AAAS: variants seen among roughly 807,000 people sequenced by gnomAD.
AAAS encodes aladin.
A neutral mutation model predicts 75.6 loss-of-function variants in AAAS; 60 were observed. That is an observed-to-expected ratio of 0.79 (90% CI 0.64 to 0.98). AAAS has a LOEUF of 0.98. Ranked by LOEUF, AAAS falls within the 50% of genes least tolerant of loss-of-function variation. The probability of loss-of-function intolerance (pLI) is 0.00; values close to 1 mark genes in which losing one functional copy is unlikely to be tolerated. For missense variants in AAAS, 658 were observed against 686.9 expected, an observed-to-expected ratio of 0.96 and a Z score of 0.47; for synonymous variants, 271 against 265.0, an observed-to-expected ratio of 1.02 and a Z score of -0.22.
chr12:53,308,517 C>G lies in AAAS; in HGVS notation c.1099G>C (p.Gly367Arg). 1 of 1,614,166 alleles carries G rather than the reference C, an allele frequency of 6.2e-7. No individual in the cohort carries two copies. Among genetic ancestry groups the G allele is most frequent in the Non-Finnish European group, 8.5e-7 (1 of 1,180,028 alleles). ...SFPERCGEGK[G>R]CVGGAKSATI... ...GCTGACTTTGCACCTCCAACGCACC[C>G]CTTTCCCTCACCTGTGGACAAATAA... Residue 367 changes from glycine (G) to arginine (R), a missense_variant, in exon 12 of 16, where the codon GGG becomes CGG. Transcript: ENST00000209873.
chr12:53,317,249 C>T lies in AAAS; in HGVS notation c.252-1467G>A, dbSNP rs530393241. ...ACCAGCCTGGTCAAGATGGTGAAAC[C>T]TCATCTCTATTAAAAATACAAAAAT... On this transcript the variant is annotated intron_variant, in intron 2 of 15. Coordinates refer to ENST00000209873, the MANE Select transcript of AAAS (RefSeq NM_015665.6). 2.6e-5 allele frequency among the ~76,000 whole-genome samples: 4 copies of T among 151,590 alleles called. No individual in the cohort carries two copies. The South Asian group carries it at 8.4e-4, about 32-fold the overall frequency.
chr12:53,307,935 A>C lies in AAAS; in HGVS notation c.1332-6T>G. The C allele has an allele frequency of 1.2e-6, 2 of 1,614,186 alleles. No homozygotes were observed. Among genetic ancestry groups the C allele is most frequent in the Non-Finnish European group, 1.7e-6 (2 of 1,180,012 alleles). On this transcript the variant is annotated splice_region_variant and splice_polypyrimidine_tract_variant and intron_variant, in intron 14 of 15. Transcript: ENST00000209873. The stretch of plus-strand genomic sequence containing the variant: ...GCTCCCCCTGGATAATGCCACTAGA[A>C]GAAAAGGTGAGCAGGCAACCGGAGG...
chr12:53,308,153 G>A lies in AAAS; in HGVS notation c.1250-20C>T. On this transcript the variant is annotated intron_variant, in intron 13 of 15. Coordinates refer to ENST00000209873, the MANE Select transcript of AAAS (RefSeq NM_015665.6). ...GCTTTCCTGTAAGAAATGGATCCAG[G>A]GATAGGGGAGGAACTCTGAAGGCAG... 6 of 1,613,762 alleles carry A rather than the reference G, an allele frequency of 3.7e-6. No individual in the cohort carries two copies. The highest frequency in any genetic ancestry group is 1.3e-5 in the African/African-American group (1 of 75,056).
chr12:53,318,876 C>T (rs1446541036), intron 2 of AAAS, among the ~76,000 whole-genome samples: 2 of 152,104 alleles, frequency 1.3e-5, no homozygotes, highest in Non-Finnish European at 2.9e-5. Flanking sequence ...CACCAAAAAC[C>T]CTGAGAAGCA....
intron 10 of AAAS, 58 bp from the exon 11 acceptor site, chr12:53,308,873 A>G: frequency 6.2e-7 from 1 of 1,613,356 alleles, no homozygotes; most frequent in Non-Finnish European, 8.5e-7. Flanking sequence ...TGCAGGAGGG[A>G]AAGTAGAGGT....
rs1013024953 is a variant in AAAS at position 53,321,284 on chromosome 12, C to T, written c.123+59G>A. 14 of 1,595,378 alleles carry T rather than the reference C, an allele frequency of 8.8e-6. No homozygotes were observed. The Admixed American group carries it at 1.7e-4, about 19-fold the overall frequency. On this transcript the variant is annotated intron_variant, in intron 1 of 15. Transcript: ENST00000209873. ...CCCCTGTCACACTGCCTCCTTTCCC[C>T]AGTAGTCCCCGACTCCGCCCCCATG...
At chr12:53,312,214 T>C (rs1944400116) in intron 7 of AAAS, among the ~76,000 whole-genome samples, 1 of 147,640 alleles carries the variant, frequency 6.8e-6, no homozygotes, top group East Asian at 2.0e-4. Flanking sequence ...TGGAACTCCA[T>C]CTCAAAAAAA....
chr12:53,314,864 A>C lies in AAAS; in HGVS notation c.447-15T>G. 6.2e-7 allele frequency: 1 copy of C among 1,609,604 alleles called. No individual in the cohort carries two copies. ...AGCAGCTGGACCTAAGGAAGGGGTT[A>C]ACATGAAGAGTTCCTGCACCTATCC... On this transcript the variant is annotated splice_polypyrimidine_tract_variant and intron_variant, in intron 5 of 15. Coordinates refer to ENST00000209873, the MANE Select transcript of AAAS (RefSeq NM_015665.6).
intron 7 of AAAS, among the ~76,000 whole-genome samples, chr12:53,311,085 G>A (rs1204182329): frequency 6.6e-6 from 1 of 152,008 alleles, no homozygotes; most frequent in Non-Finnish European, 1.5e-5. Flanking sequence ...TAGGACTACA[G>A]GCGTACACCC....
intron 1 of AAAS, chr12:53,321,141 C>G: frequency 1.3e-6 from 1 of 760,656 alleles, no homozygotes; most frequent in Non-Finnish European, 2.1e-6. Flanking sequence ...AGGCCTCCTC[C>G]ACAGCTCCTT....
intron 7 of AAAS, among the ~76,000 whole-genome samples, chr12:53,310,298 G>A (rs534555055): frequency 3.3e-5 from 5 of 152,268 alleles, no homozygotes; most frequent in East Asian, 1.9e-4. Context: ...AGTGGCTCAC[G>A]CCTGTAATCC....
chr12:53,311,918 C>CT (rs1255511673), intron 7 of AAAS, among the ~76,000 whole-genome samples: 1 of 151,450 alleles, frequency 6.6e-6, no homozygotes, highest in Admixed American at 6.6e-5. Context: ...TTCCATCCCC[C>CT]CCCAAAAAAA....
At chr12:53,308,187 G>A (rs1017745463) in intron 13 of AAAS, 54 bp from the exon 14 acceptor site, 2 of 1,611,188 alleles carry the variant, frequency 1.2e-6, no homozygotes, top group African/African-American at 2.7e-5. Context: ...AGAGTCCCAG[G>A]ACATGGGCAG....
chr12:53,308,871 G>A (rs909068099), intron 10 of AAAS, 56 bp from the exon 11 acceptor site: 20 of 1,613,000 alleles, frequency 1.2e-5, no homozygotes, highest in South Asian at 2.2e-5. Context: ...AATGCAGGAG[G>A]GAAAGTAGAG....
Position 53,314,754 on chromosome 12 carries a change from C to T in AAAS, c.542G>A (p.Ser181Asn). Residue 181 changes from serine (S) to asparagine (N), a missense_variant, in exon 6 of 16, where the codon AGC becomes AAC. Ser to Asn is a conservative substitution (Grantham distance 46). Coordinates refer to ENST00000209873, the MANE Select transcript of AAAS (RefSeq NM_015665.6). Reference protein sequence around the residue: ...LDDSVRVYNASSTIVPSLKHR... With the variant: ...LDDSVRVYNANSTIVPSLKHR... ...CACCTGGTGTCCCCACACACACCTGCTGGCATTATACACACGGACTGAGTC... is the reference window on the plus strand; with the variant it reads ...CACCTGGTGTCCCCACACACACCTGTTGGCATTATACACACGGACTGAGTC... 3 of 1,613,340 alleles carry T rather than the reference C, an allele frequency of 1.9e-6. No homozygotes were observed. The highest frequency in any genetic ancestry group is 2.5e-6 in the Non-Finnish European group (3 of 1,179,890).
Position 53,307,724 on chromosome 12 carries a change from G to C in AAAS, c.1417-11C>G. On this transcript the variant is annotated splice_polypyrimidine_tract_variant and intron_variant, in intron 15 of 15. Transcript: ENST00000209873. Reference sequence around the variant, plus strand: ...GCCTGTGGACCAGCCCTGCAGAGAAGGGAAAGAAAAGGATCAGAGTCTGGG... The same window carrying C: ...GCCTGTGGACCAGCCCTGCAGAGAACGGAAAGAAAAGGATCAGAGTCTGGG... 6.2e-7 allele frequency: 1 copy of C among 1,614,040 alleles called. No homozygotes were observed. Among genetic ancestry groups the C allele is most frequent in the Non-Finnish European group, 8.5e-7 (1 of 1,179,996 alleles).
chr12:53,311,325 A>T (rs1470379585), intron 7 of AAAS, among the ~76,000 whole-genome samples: 1 of 152,184 alleles, frequency 6.6e-6, no homozygotes, highest in Non-Finnish European at 1.5e-5. Context: ...CAATGGCATT[A>T]TCTCAGCTCA....
intron 2 of AAAS, among the ~76,000 whole-genome samples, chr12:53,319,799 T>A: frequency 3.0e-5 from 2 of 65,682 alleles, no homozygotes; most frequent in Non-Finnish European, 2.7e-5. Flanking sequence ...CAAGACTCCG[T>A]CTCAAAAAAA....
chr12:53,312,350 C>T (rs1944401611), intron 7 of AAAS, among the ~76,000 whole-genome samples: 2 of 152,090 alleles, frequency 1.3e-5, no homozygotes, highest in Non-Finnish European at 2.9e-5. Context: ...CCAAGGCGGG[C>T]GGATCACAAG....
Sources: allele counts gnomAD v4.1 joint callset (sites outside exome capture counted in the v4.1 genomes callset), GRCh38; gene constraint gnomAD v4.1.1; transcripts MANE v1.5; gene names NCBI Gene and HGNC (gene_info 2026-07-23, HGNC 2026-07-21).